The following TTC28 variants were observed in gnomAD, a reference collection of about 807,000 sequenced individuals.
The protein encoded by TTC28 is tetratricopeptide repeat protein 28.
In TTC28, 61 loss-of-function variants were observed where a neutral mutation model predicts 198.0. The observed-to-expected ratio is 0.31, with a 90% CI of 0.25 to 0.38. TTC28 has a LOEUF of 0.38. Ranked by LOEUF, TTC28 falls within the 10% of genes least tolerant of loss-of-function variation. The pLI is 1.00. For synonymous variants in TTC28, 1,171 were observed against 1,297.8 expected, an observed-to-expected ratio of 0.90 and a Z score of 2.10; for missense variants, 2,678 against 3,164.0, an observed-to-expected ratio of 0.85 and a Z score of 3.69.
chr22:28,484,833 T>C (rs695475), intron 2 of TTC28, among the ~76,000 whole-genome samples: 152,351 of 152,362 alleles, frequency 1, 76,170 homozygotes, highest in Non-Finnish European at 1. Flanking sequence ...TCTGGGTTAT[T>C]TCTAGAATCC....
intron 6 of TTC28, among the ~76,000 whole-genome samples, chr22:28,125,055 G>A (rs920197008): frequency 6.6e-6 from 1 of 152,190 alleles, no homozygotes; most frequent in African/African-American, 2.4e-5. Flanking sequence ...TGATGACTGA[G>A]TGTTACATAT....
chr22:28,542,366 A>G (rs1384867949), intron 2 of TTC28, among the ~76,000 whole-genome samples: 2 of 152,112 alleles, frequency 1.3e-5, no homozygotes, highest in Admixed American at 6.5e-5. Flanking sequence ...AAGGTGAGGA[A>G]GGAGGGAGGA....
chr22:28,631,921 T>G (rs1428881298), intron 1 of TTC28, among the ~76,000 whole-genome samples: 3 of 152,198 alleles, frequency 2.0e-5, no homozygotes, highest in Admixed American at 6.5e-5. Context: ...TTTATACTTC[T>G]AAGCAAGCTT....
intron 2 of TTC28, among the ~76,000 whole-genome samples, chr22:28,531,787 A>G (rs1408649838): frequency 6.6e-6 from 1 of 152,228 alleles, no homozygotes; most frequent in Non-Finnish European, 1.5e-5. Context: ...ATGGAAACTG[A>G]ACAACCTGCT....
chr22:28,567,479 C>CATACATATATAT (rs751694635), intron 2 of TTC28, among the ~76,000 whole-genome samples: 5 of 51,144 alleles, frequency 9.8e-5, no homozygotes, highest in Admixed American at 3.5e-4. Flanking sequence ...TACATACATA[C>CATACATATATAT]ATATATATAT....
intron 2 of TTC28, among the ~76,000 whole-genome samples, chr22:28,623,205 G>A (rs1193403980): frequency 6.6e-6 from 1 of 152,114 alleles, no homozygotes; most frequent in African/African-American, 2.4e-5. Flanking sequence ...TCCTGCCTCA[G>A]CCTTCCAAGG....
intron 12 of TTC28, among the ~76,000 whole-genome samples, chr22:28,047,696 A>C (rs1939923941): frequency 6.6e-6 from 1 of 152,204 alleles, no homozygotes; most frequent in African/African-American, 2.4e-5. Flanking sequence ...TACTCTCAGC[A>C]GGCTTCCAGC....
Position 28,001,407 on chromosome 22 carries a change from G to A in TTC28, c.4365C>T (p.Val1455=). The A allele has an allele frequency of 6.4e-7, 1 of 1,551,426 alleles. No individual in the cohort carries two copies. The highest frequency in any genetic ancestry group is 1.2e-5 in the South Asian group (1 of 84,062). ...YLYERFGLLA[V]PSIRSLSVQS... is the part of the protein sequence containing the mutation. ...GCACGCTGAGGGAGCGGATGGAAGGGACAGCAAGGAGGCCGAAGCGCTCGT... is the reference window on the plus strand; with the variant it reads ...GCACGCTGAGGGAGCGGATGGAAGGAACAGCAAGGAGGCCGAAGCGCTCGT... Residue 1455 remains valine (V), a synonymous_variant, in exon 15 of 23, where the codon GTC becomes GTT. Transcript: ENST00000397906.
rs577551631 is a variant in TTC28, at chr22:28,364,162, G to A, written c.382-57519C>T. ...TGTTGTGGGAGCGACCCAGTGGGAG[G>A]TAACTGAATCATGTGGGCAAGTCTT... On this transcript the variant is annotated intron_variant, in intron 2 of 22. Coordinates refer to ENST00000397906, the MANE Select transcript of TTC28 (RefSeq NM_001145418.2). Among the ~76,000 whole-genome samples, 43 of 152,288 alleles carry A rather than the reference G, an allele frequency of 2.8e-4. 1 individual carries two copies. The Middle Eastern group carries it at 0.014, about 48-fold the overall frequency.
At chr22:28,092,801 T>C (rs1348367827) in intron 12 of TTC28, among the ~76,000 whole-genome samples, 2 of 152,158 alleles carry the variant, frequency 1.3e-5, no homozygotes, top group Non-Finnish European at 1.5e-5. Flanking sequence ...TGCCAAACTG[T>C]TGCCTGGGTT....
chr22:28,074,988 T>G (rs2146787099), intron 12 of TTC28, among the ~76,000 whole-genome samples: 1 of 152,172 alleles, frequency 6.6e-6, no homozygotes, highest in Admixed American at 6.5e-5. Context: ...TAATCCCAGC[T>G]GAGACACGAG....
At chr22:28,386,707 A>G (rs1162432533) in intron 2 of TTC28, among the ~76,000 whole-genome samples, 1 of 152,196 alleles carries the variant, frequency 6.6e-6, no homozygotes, top group Non-Finnish European at 1.5e-5. Context: ...AATATTTAAT[A>G]GCTACAGAAT....
At chr22:28,377,287 G>C (rs1446522178) in intron 2 of TTC28, among the ~76,000 whole-genome samples, 5 of 148,360 alleles carry the variant, frequency 3.4e-5, no homozygotes, top group African/African-American at 7.4e-5. Flanking sequence ...TAATACATAG[G>C]ACATAATACA....
At chr22:28,439,383 A>T (rs1332739215) in intron 2 of TTC28, among the ~76,000 whole-genome samples, 1 of 152,264 alleles carries the variant, frequency 6.6e-6, no homozygotes, top group Non-Finnish European at 1.5e-5. Flanking sequence ...CCTTGGTGCT[A>T]GTATCTAGAA....
intron 2 of TTC28, among the ~76,000 whole-genome samples, chr22:28,395,976 G>T (rs921976657): frequency 6.6e-6 from 1 of 152,096 alleles, no homozygotes; most frequent in East Asian, 1.9e-4. Flanking sequence ...AACTCAGAGA[G>T]GTTAAGTGGT....
chr22:28,293,081 G>A (rs922707201), intron 5 of TTC28, among the ~76,000 whole-genome samples: 2 of 152,132 alleles, frequency 1.3e-5, no homozygotes, highest in African/African-American at 4.8e-5. Flanking sequence ...GGAATACAGG[G>A]ATAAAGATTT....
At position 28,099,053 on chromosome 22, in the gene TTC28, A is replaced by G; in HGVS notation, c.3418-9T>C. On this transcript the variant is annotated splice_polypyrimidine_tract_variant and intron_variant, in intron 9 of 22. Coordinates refer to ENST00000397906, the MANE Select transcript of TTC28 (RefSeq NM_001145418.2). ...GCTGATGCCCTATAAAGCTGCAAGGAGGGAGGAAGAACATCATCCATTCCC... is the reference window on the plus strand; with the variant it reads ...GCTGATGCCCTATAAAGCTGCAAGGGGGGAGGAAGAACATCATCCATTCCC... 1 of 1,551,888 alleles carries G rather than the reference A, an allele frequency of 6.4e-7. No homozygotes were observed. Among genetic ancestry groups the G allele is most frequent in the Non-Finnish European group, 8.7e-7 (1 of 1,147,006 alleles).
At chr22:28,269,287 G>A (rs1292247406) in intron 5 of TTC28, among the ~76,000 whole-genome samples, 3 of 151,696 alleles carry the variant, frequency 2.0e-5, no homozygotes, top group Admixed American at 2.0e-4. Context: ...GATGTCAAAG[G>A]GTATTTGAAT....
In TTC28 at chr22:28,536,664, G is replaced by A. The variant is rs530163979; in HGVS notation, c.381+92888C>T. On this transcript the variant is annotated intron_variant, in intron 2 of 22. Coordinates refer to ENST00000397906, the MANE Select transcript of TTC28 (RefSeq NM_001145418.2). ...TAAAAAAACACTACTGAGAAGCACT[G>A]AATAAATGTAATAGTCTGTCCTTTC... Among the ~76,000 whole-genome samples, 12 of 152,262 alleles carry A rather than the reference G, an allele frequency of 7.9e-5. No homozygotes were observed. The East Asian group carries it at 2.3e-3, about 29-fold the overall frequency.
Sources: allele counts gnomAD v4.1 joint callset (sites outside exome capture counted in the v4.1 genomes callset), GRCh38; gene constraint gnomAD v4.1.1; transcripts MANE v1.5; gene names NCBI Gene and HGNC (gene_info 2026-07-23, HGNC 2026-07-21).